The following RTN1 variants were observed in gnomAD, a reference collection of about 807,000 sequenced individuals.
The protein encoded by RTN1 is reticulon-1.
Under a neutral mutation model 65.5 loss-of-function variants are expected in RTN1, and 25 were observed. The observed-to-expected ratio is 0.38, with a 90% confidence interval of 0.28 to 0.53. The LOEUF is 0.53. Among genes scored for constraint, RTN1 ranks in the 20% least tolerant of loss-of-function variants. The pLI is 0.79. For synonymous variants in RTN1, 471 were observed against 447.6 expected, an observed-to-expected ratio of 1.05 and a Z score of -0.66; for missense variants, 983 against 1,025.4, an observed-to-expected ratio of 0.96 and a Z score of 0.57.
At chr14:59,637,446 G>C (rs1882688302) in intron 3 of RTN1, among the ~76,000 whole-genome samples, 1 of 152,196 alleles carries the variant, frequency 6.6e-6, no homozygotes, top group Admixed American at 6.5e-5. Flanking sequence ...AGGCACGGTG[G>C]CTTACGCCTG....
At chr14:59,674,359 A>G (rs1883575430) in intron 3 of RTN1, among the ~76,000 whole-genome samples, 1 of 152,230 alleles carries the variant, frequency 6.6e-6, no homozygotes, top group African/African-American at 2.4e-5. Context: ...CATGGACTAG[A>G]TGCTGGAAAA....
intron 3 of RTN1, among the ~76,000 whole-genome samples, chr14:59,652,396 C>T (rs1239240342): frequency 6.6e-6 from 1 of 152,156 alleles, no homozygotes; most frequent in Non-Finnish European, 1.5e-5. Context: ...CACGGCAGCA[C>T]TATTCACAAT....
chr14:59,648,794 A>G (rs1014057836), intron 3 of RTN1, among the ~76,000 whole-genome samples: 2 of 152,236 alleles, frequency 1.3e-5, no homozygotes, highest in African/African-American at 4.8e-5. Context: ...CCTCAAAATA[A>G]TAAGAGCCAT....
chr14:59,622,784 A>G (rs1019696581), intron 3 of RTN1, among the ~76,000 whole-genome samples: 2 of 152,208 alleles, frequency 1.3e-5, no homozygotes, highest in African/African-American at 4.8e-5. Context: ...AGTATCCCAC[A>G]TCAGTTGAAG....
chr14:59,795,630 G>A (rs112444846), intron 1 of RTN1, among the ~76,000 whole-genome samples: 216 of 152,202 alleles, frequency 1.4e-3, no homozygotes, highest in South Asian at 4.6e-3. Flanking sequence ...ACAAGTTGCC[G>A]GTGCCAAGGA....
chr14:59,641,868 C>T (rs796106884), intron 3 of RTN1, among the ~76,000 whole-genome samples: 9 of 152,308 alleles, frequency 5.9e-5, no homozygotes, highest in African/African-American at 2.2e-4. Flanking sequence ...AATTATATAA[C>T]AGTTTTTTGT....
At chr14:59,749,308 CTATATATATATCTATATATCTATA>C (rs1885330432) in intron 1 of RTN1, among the ~76,000 whole-genome samples, 1 of 14,888 alleles carries the variant, frequency 6.7e-5, no homozygotes, top group African/African-American at 3.4e-4. Context: ...CTATATATAT[CTATATATATATCTATATATCTATA>C]TATATCTATA....
chr14:59,788,917 T>C (rs1886299026), intron 1 of RTN1, among the ~76,000 whole-genome samples: 3 of 152,104 alleles, frequency 2.0e-5, no homozygotes, highest in African/African-American at 7.2e-5. Flanking sequence ...TAGGAAAAAT[T>C]AACCTCTTTA....
intron 3 of RTN1, among the ~76,000 whole-genome samples, chr14:59,707,518 C>G (rs1270210610): frequency 6.6e-6 from 1 of 152,158 alleles, no homozygotes; most frequent in Non-Finnish European, 1.5e-5. Context: ...CCACTCTCTC[C>G]CCTAGTGCCT....
rs1409831042 is a variant in RTN1, at chr14:59,846,311, A to G, written c.241+24079T>C. ...TCCCTCCTCCTTGCTCACCTACAGC[A>G]GACATCACTCATTAATCCCGGCATT... On this transcript the variant is annotated intron_variant, in intron 1 of 8. Coordinates refer to ENST00000267484, the MANE Select transcript of RTN1 (RefSeq NM_021136.3). The surrounding 1 kb of genome is among the most constrained non-coding windows in gnomAD (Gnocchi z 4.8). Among the ~76,000 whole-genome samples, 1 of 152,204 alleles carries G rather than the reference A, an allele frequency of 6.6e-6. No homozygotes were observed. Among genetic ancestry groups the G allele is most frequent in the East Asian group, 1.9e-4 (1 of 5,192 alleles).
chr14:59,599,381 G>T (rs180795262), intron 8 of RTN1, among the ~76,000 whole-genome samples: 1 of 152,156 alleles, frequency 6.6e-6, no homozygotes, highest in Non-Finnish European at 1.5e-5. Context: ...GCTTCAAACT[G>T]TACATCATCT....
intron 3 of RTN1, among the ~76,000 whole-genome samples, chr14:59,707,464 T>C (rs1400285502): frequency 3.3e-5 from 5 of 152,178 alleles, no homozygotes; most frequent in African/African-American, 1.2e-4. Context: ...ATTAGTCTCT[T>C]CCACTAATGA....
chr14:59,716,223 T>C (rs1884531819), intron 3 of RTN1, among the ~76,000 whole-genome samples: 1 of 152,214 alleles, frequency 6.6e-6, no homozygotes, highest in Non-Finnish European at 1.5e-5. Flanking sequence ...GCCAATTACC[T>C]GGAAATCAAT....
At chr14:59,749,057 G>T (rs570408215) in intron 1 of RTN1, among the ~76,000 whole-genome samples, 2 of 146,838 alleles carry the variant, frequency 1.4e-5, no homozygotes, top group East Asian at 4.0e-4. Flanking sequence ...CCCAGTGCTG[G>T]GATTACAGGC....
chr14:59,657,425 A>ACAAAACAAAG (rs1237413500), intron 3 of RTN1, among the ~76,000 whole-genome samples: 1 of 152,120 alleles, frequency 6.6e-6, no homozygotes, highest in East Asian at 1.9e-4. Context: ...ACAAAACAAA[A>ACAAAACAAAG]CAAAACAAAA....
chr14:59,820,718 A>G (rs2139628081), intron 1 of RTN1, among the ~76,000 whole-genome samples: 1 of 152,322 alleles, frequency 6.6e-6, no homozygotes, highest in Middle Eastern at 3.4e-3. Flanking sequence ...CTCACATGAC[A>G]TATGAGGATA....
chr14:59,869,366 C>A (rs1433897880), intron 1 of RTN1, among the ~76,000 whole-genome samples: 2 of 152,018 alleles, frequency 1.3e-5, no homozygotes, highest in African/African-American at 4.8e-5. Flanking sequence ...CCCACTCCAC[C>A]ATAGCAAAGC....
At chr14:59,678,274 A>C (rs1365080522) in intron 3 of RTN1, among the ~76,000 whole-genome samples, 2 of 152,196 alleles carry the variant, frequency 1.3e-5, no homozygotes, top group Non-Finnish European at 2.9e-5. Context: ...GTTGAATGCT[A>C]ATGCGAAAAT....
At position 59,610,329 on chromosome 14, in the gene RTN1, TA is replaced by T. The variant is rs771942812; in HGVS notation, c.1766-2838del. On this transcript the variant is annotated intron_variant, in intron 3 of 8. Coordinates refer to ENST00000267484, the MANE Select transcript of RTN1 (RefSeq NM_021136.3). Reference sequence around the variant, plus strand: ...ACTTGCTAAGATTGCAGGAGGTTTCTAATAAGGAGGTTAACAAAAGGACTGT... The same window carrying T: ...ACTTGCTAAGATTGCAGGAGGTTTCTATAAGGAGGTTAACAAAAGGACTGT... The T allele has an allele frequency of 6.3e-5, 36 of 569,068 alleles. No individual in the cohort carries two copies. The East Asian group carries it at 8.4e-4, about 13-fold the overall frequency. 35.3% of individuals were successfully genotyped at this position (569,068 alleles called of 1,614,324 possible).
Sources: allele counts gnomAD v4.1 joint callset (sites outside exome capture counted in the v4.1 genomes callset), GRCh38; gene constraint gnomAD v4.1.1; non-coding constraint Gnocchi (gnomAD v3.1); transcripts MANE v1.5; gene names NCBI Gene and HGNC (gene_info 2026-07-23, HGNC 2026-07-21).